Variants in PREX2 observed in about 807,000 individuals in gnomAD.
The protein encoded by PREX2 is phosphatidylinositol 3,4,5-trisphosphate-dependent Rac exchanger 2 protein.
In PREX2, 107 loss-of-function variants were observed where a neutral mutation model predicts 203.2. The ratio of observed to expected loss-of-function variants is 0.53; its 90% CI spans 0.45 to 0.62. The LOEUF (loss-of-function observed/expected upper bound fraction) is 0.62, where lower values mean the gene tolerates loss of function less well. Among genes scored for constraint, PREX2 ranks in the 20% least tolerant of loss-of-function variants. The pLI is 0.00. For missense variants in PREX2, 1,777 were observed against 1,955.9 expected (o/e 0.91, Z 1.72); for synonymous variants, 672 against 663.6 (o/e 1.01, Z -0.19).
chr8:67,952,074 T>C lies in PREX2; in HGVS notation c.-321T>C. ...TTTTGATTAATGTCCAAGTCACTGC[T>C]GTGGCTGCCGAAGCCGCTTCCCCTC... On this transcript the variant is annotated 5_prime_UTR_variant, in exon 1 of 40. Coordinates refer to ENST00000288368, the MANE Select transcript of PREX2 (RefSeq NM_024870.4). 3.8e-6 allele frequency: 1 copy of C among 266,508 alleles called. No homozygotes were observed. Among genetic ancestry groups the C allele is most frequent in the Non-Finnish European group, 6.9e-6 (1 of 144,274 alleles). The allele number at this position is 266,508 out of a possible 1,614,324, so 16.5% of individuals were successfully genotyped here.
At chr8:68,225,615 G>A (rs778392243) in intron 39 of PREX2, among the ~76,000 whole-genome samples, 2 of 152,218 alleles carry the variant, frequency 1.3e-5, no homozygotes, top group South Asian at 2.1e-4. Flanking sequence ...GAAAAACCAT[G>A]TGGGTAGTGA....
chr8:67,987,410 A>G (rs986392205), intron 1 of PREX2, among the ~76,000 whole-genome samples: 3 of 152,074 alleles, frequency 2.0e-5, no homozygotes, highest in African/African-American at 4.8e-5. Context: ...TTCCTCTTCA[A>G]TCGGCTGGAT....
At chr8:68,069,504 G>T (rs1809126971) in intron 12 of PREX2, among the ~76,000 whole-genome samples, 1 of 143,248 alleles carries the variant, frequency 7.0e-6, no homozygotes, top group Admixed American at 7.2e-5. Context: ...GATATATGAT[G>T]AACAAGTATT....
intron 33 of PREX2, among the ~76,000 whole-genome samples, chr8:68,144,906 A>G (rs566752157): frequency 1.3e-5 from 2 of 152,250 alleles, no homozygotes; most frequent in East Asian, 3.9e-4. Flanking sequence ...CTGTTGTATC[A>G]TTATCACTAT....
intron 21 of PREX2, among the ~76,000 whole-genome samples, chr8:68,094,672 A>G (rs527998898): frequency 6.6e-6 from 1 of 152,202 alleles, no homozygotes; most frequent in Admixed American, 6.5e-5. Flanking sequence ...ATAATTCCCT[A>G]TTCTGAGGTG....
At position 68,053,239 on chromosome 8, in the gene PREX2, G is replaced by T; in HGVS notation, c.1086G>T (p.Arg362=). Residue 362 remains arginine, a synonymous_variant, in exon 9 of 40, where the codon CGG becomes CGT. Transcript: ENST00000288368. The part of the protein sequence containing the change: ...WFEAILKERE[R]RKGLKLGMEQ... ...AAGCTATTTTGAAAGAAAGAGAACGGCGGAAAGGTGGGTGTATGAATTGGG... is the reference window on the plus strand; with the variant it reads ...AAGCTATTTTGAAAGAAAGAGAACGTCGGAAAGGTGGGTGTATGAATTGGG... The T allele has an allele frequency of 1.2e-6, 2 of 1,613,574 alleles. No homozygotes were observed. The highest frequency in any genetic ancestry group is 1.7e-6 in the Non-Finnish European group (2 of 1,179,606).
intron 7 of PREX2, among the ~76,000 whole-genome samples, chr8:68,040,911 G>A (rs1808176958): frequency 6.6e-6 from 1 of 152,150 alleles, no homozygotes; most frequent in South Asian, 2.1e-4. Flanking sequence ...TGTGTTTAAT[G>A]TTATTGACAT....
intron 13 of PREX2, among the ~76,000 whole-genome samples, chr8:68,071,629 G>A (rs984974387): frequency 6.6e-6 from 1 of 152,190 alleles, no homozygotes; most frequent in African/African-American, 2.4e-5. Context: ...CATGAAATTT[G>A]GTTGGTATCC....
chr8:68,066,137 A>C (rs1434419677), intron 11 of PREX2, among the ~76,000 whole-genome samples: 3 of 152,166 alleles, frequency 2.0e-5, no homozygotes, highest in Non-Finnish European at 4.4e-5. Flanking sequence ...ATGGAAACTT[A>C]GGCTGATTTC....
chr8:68,180,884 A>G (rs1812071881), intron 35 of PREX2, among the ~76,000 whole-genome samples: 1 of 152,062 alleles, frequency 6.6e-6, no homozygotes, highest in African/African-American at 2.4e-5. Flanking sequence ...ATTTGAATGG[A>G]AAAGGAGAGG....
rs1810457266 is a variant in PREX2, at chr8:68,108,210, T to C, written c.2817T>C (p.His939=). 1 of 1,613,882 alleles carries C rather than the reference T, an allele frequency of 6.2e-7. No individual in the cohort carries two copies. Among genetic ancestry groups the C allele is most frequent in the African/African-American group, 1.3e-5 (1 of 74,924 alleles). Reference sequence around the variant, plus strand: ...GTGATTTCTGCCCTACCAACTGCCATGTCAATGTGATGGAAGTTTCTTATC... The same window carrying C: ...GTGATTTCTGCCCTACCAACTGCCACGTCAATGTGATGGAAGTTTCTTATC... ...HSSDFCPTNC[H]VNVMEVSYPK... Residue 939 remains histidine (H), a synonymous_variant, in exon 24 of 40, where the codon CAT becomes CAC. Transcript: ENST00000288368.
chr8:67,994,815 G>A (rs879596507), intron 1 of PREX2, among the ~76,000 whole-genome samples: 8 of 152,138 alleles, frequency 5.3e-5, no homozygotes, highest in Non-Finnish European at 1.2e-4. Context: ...TATTGACCTA[G>A]TGCTGTATGC....
intron 35 of PREX2, among the ~76,000 whole-genome samples, chr8:68,182,202 C>T (rs954017496): frequency 3.3e-5 from 5 of 152,102 alleles, no homozygotes; most frequent in African/African-American, 9.7e-5. Flanking sequence ...CTTAAAATCT[C>T]AGTATAATAG....
At chr8:68,140,832 G>A (rs1482463015) in intron 33 of PREX2, among the ~76,000 whole-genome samples, 6 of 152,002 alleles carry the variant, frequency 3.9e-5, no homozygotes, top group Admixed American at 3.9e-4. Flanking sequence ...TTATTACTTT[G>A]CATTCTTCTC....
intron 11 of PREX2, 118 bp downstream of exon 11, chr8:68,060,897 A>G (rs1808830864): frequency 2.9e-6 from 2 of 684,984 alleles, no homozygotes; most frequent in South Asian, 4.0e-5. Context: ...TGTTTTTAAC[A>G]ATATTTTCAG....
chr8:67,990,996 G>A (rs529838151), intron 1 of PREX2, among the ~76,000 whole-genome samples: 1 of 152,220 alleles, frequency 6.6e-6, no homozygotes, highest in Admixed American at 6.5e-5. Context: ...GCTTCCCAGA[G>A]GTCACAGCTC....
At chr8:68,011,274 A>G (rs1296886154) in intron 1 of PREX2, among the ~76,000 whole-genome samples, 1 of 152,134 alleles carries the variant, frequency 6.6e-6, no homozygotes, top group African/African-American at 2.4e-5. Context: ...TCAAGAACAA[A>G]TGCTATTTTA....
intron 34 of PREX2, among the ~76,000 whole-genome samples, chr8:68,151,410 C>A (rs1811431492): frequency 6.6e-6 from 1 of 152,068 alleles, no homozygotes. Flanking sequence ...GAGTGGGACC[C>A]TATCTCAAAA....
At chr8:68,227,182 T>A (rs757774092) in intron 39 of PREX2, among the ~76,000 whole-genome samples, 12 of 152,188 alleles carry the variant, frequency 7.9e-5, no homozygotes, top group Non-Finnish European at 1.2e-4. Flanking sequence ...TGAGGACAGC[T>A]AAGACTGAAG....
Sources: allele counts gnomAD v4.1 joint callset (sites outside exome capture counted in the v4.1 genomes callset), GRCh38; gene constraint gnomAD v4.1.1; transcripts MANE v1.5; gene names NCBI Gene and HGNC (gene_info 2026-07-23, HGNC 2026-07-21).